The following CDKL5 variants were observed in gnomAD, a reference collection of about 807,000 sequenced individuals.
The protein encoded by CDKL5 is cyclin-dependent kinase-like 5.
CDKL5 carries 8 observed loss-of-function variants against 61.7 expected under a neutral mutation model. That is an observed-to-expected ratio of 0.13 (90% CI 0.08 to 0.23). CDKL5 has a LOEUF of 0.23. CDKL5 is among the 10% of genes least tolerant of loss of function. CDKL5 has a pLI of 1.00. For missense variants in CDKL5, 440 were observed against 734.5 expected, an observed-to-expected ratio of 0.60 and a Z score of 4.63; for synonymous variants, 275 against 272.3, an observed-to-expected ratio of 1.01 and a Z score of -0.10.
chrX:18,630,342 C>T lies in CDKL5; in HGVS notation c.*1585C>T. 1.3e-6 allele frequency: 1 copy of T among 753,563 alleles called. No individual in the cohort carries two copies. Among genetic ancestry groups the T allele is most frequent in the Non-Finnish European group, 1.6e-6 (1 of 639,060 alleles). 62.1% of individuals were successfully genotyped at this position (753,563 alleles called of 1,213,427 possible). The stretch of plus-strand genomic sequence containing the variant: ...TCCTTGAGGGAAGTCACCTCAGCAC[C>T]ATCATCTATCAGTAGTAGTAGATTT... On this transcript the variant is annotated 3_prime_UTR_variant, in exon 18 of 18. Coordinates refer to ENST00000623535, the MANE Select transcript of CDKL5 (RefSeq NM_001323289.2).
chrX:18,587,495 A>G (rs972877461), intron 8 of CDKL5, among the ~76,000 whole-genome samples: 2 of 112,130 alleles, frequency 1.8e-5, no homozygotes, highest in African/African-American at 3.2e-5. Flanking sequence ...TGTTAAGGAA[A>G]CACATAAATC....
chrX:18,520,286 G>A (rs747285774), intron 3 of CDKL5, among the ~76,000 whole-genome samples: 41 of 112,001 alleles, frequency 3.7e-4, no homozygotes, highest in African/African-American at 1.3e-3. Context: ...TCTGCTTTCT[G>A]TATTTACCTA....
At chrX:18,432,129 C>T (rs1204742693) in intron 1 of CDKL5, among the ~76,000 whole-genome samples, 9 of 100,133 alleles carry the variant, frequency 9.0e-5, no homozygotes, top group Non-Finnish European at 1.4e-4. Context: ...GATGGAGGCT[C>T]GCTCTGTCAC....
chrX:18,434,709 C>T (rs942370366), intron 1 of CDKL5, among the ~76,000 whole-genome samples: 3 of 111,639 alleles, frequency 2.7e-5, no homozygotes, highest in African/African-American at 6.5e-5. Context: ...GGGCGGATCC[C>T]TTGAGGTCAG....
rs1239354037 is a variant in CDKL5, at chrX:18,628,636, C to T, written c.2762C>T (p.Thr921Ile). Reference protein sequence around the residue: ...WHVSSVTRSATEGPSYSEQLG... With the variant: ...WHVSSVTRSAIEGPSYSEQLG... Reference sequence around the variant, plus strand: ...GTGTCCTCTGTGACCAGGAGTGCCACAGAGGGCCCTTCCTACTCTGAACAG... The same window carrying T: ...GTGTCCTCTGTGACCAGGAGTGCCATAGAGGGCCCTTCCTACTCTGAACAG... The change falls in exon 18 of 18, where the codon ACA (threonine) becomes ATA (isoleucine). Residue 921 changes from threonine (T) to isoleucine (I), a missense_variant. Transcript: ENST00000623535. The T allele has an allele frequency of 2.5e-6, 3 of 1,210,835 alleles. No homozygotes were observed. Among genetic ancestry groups the T allele is most frequent in the Non-Finnish European group, 3.4e-6 (3 of 894,820 alleles).
chrX:18,637,669 A>C lies in CDKL5; in HGVS notation c.*8912A>C, dbSNP rs1030743004. 9.0e-6 allele frequency: 1 copy of C among 111,644 alleles called. No homozygotes were observed. The highest frequency in any genetic ancestry group is 9.6e-5 in the Admixed American group (1 of 10,421). 9.2% of individuals were successfully genotyped at this position (111,644 alleles called of 1,213,427 possible). A position where few individuals can be genotyped will look rare whatever the true frequency, so the allele number is the denominator to read the frequency against. On this transcript the variant is annotated 3_prime_UTR_variant, in exon 18 of 18. Transcript: ENST00000623535. ...GTGACTTGAAGCAAGGCACTTCACT[A>C]TGCCTCAGTTTCCTTATCTTTAAAT...
chrX:18,582,087 TG>T (rs1240234077), intron 7 of CDKL5, 137 bp downstream of exon 7: 5 of 512,613 alleles, frequency 9.8e-6, no homozygotes, highest in South Asian at 3.0e-5. Context: ...TTGAGTCACA[TG>T]TTGAAAAATT....
chrX:18,560,579 G>C (rs1284523243), intron 3 of CDKL5, among the ~76,000 whole-genome samples: 2 of 111,939 alleles, frequency 1.8e-5, no homozygotes, highest in African/African-American at 3.2e-5. Context: ...TCTAGGTGCT[G>C]ATGATGCAAT....
At chrX:18,524,386 G>C in intron 3 of CDKL5, among the ~76,000 whole-genome samples, 1 of 112,063 alleles carries the variant, frequency 8.9e-6, no homozygotes, top group Non-Finnish European at 1.9e-5. Flanking sequence ...GTAGTTGTGA[G>C]TTTTTGAATA....
chrX:18,640,906 C>T (rs1376341027), downstream of CDKL5: 1 of 112,911 alleles, frequency 8.9e-6, no homozygotes, highest in East Asian at 2.8e-4. Context: ...TCTAAGGCGC[C>T]GCCTCCAGGA....
chrX:18,590,728 T>C (rs1925800174), intron 9 of CDKL5, among the ~76,000 whole-genome samples: 1 of 112,147 alleles, frequency 8.9e-6, no homozygotes, highest in African/African-American at 3.2e-5. Flanking sequence ...TTCAGCAGGT[T>C]AGCTCAACAT....
chrX:18,651,599 C>T (rs889630227), intron 21 of CDKL5, among the ~76,000 whole-genome samples: 6 of 111,058 alleles, frequency 5.4e-5, no homozygotes, highest in Non-Finnish European at 1.1e-4. Context: ...ACCCATGAGA[C>T]GTCTGCCTTC....
At chrX:18,585,352 A>G (rs949100751) in intron 8 of CDKL5, among the ~76,000 whole-genome samples, 4 of 111,191 alleles carry the variant, frequency 3.6e-5, no homozygotes, top group African/African-American at 9.8e-5. Context: ...CTGATATCCC[A>G]CCACTGCACT....
At chrX:18,507,552 T>TTTCA (rs201508159) in intron 2 of CDKL5, among the ~76,000 whole-genome samples, 5,284 of 102,662 alleles carry the variant, frequency 0.051, 181 homozygotes, top group African/African-American at 0.11. Context: ...ATAACTTAAA[T>TTTCA]TTCATTCATT....
intron 11 of CDKL5, 126 bp from the exon 12 acceptor site, chrX:18,603,776 A>G: frequency 1.2e-6 from 1 of 828,996 alleles, no homozygotes; most frequent in Non-Finnish European, 1.8e-6. Flanking sequence ...TCGAAGGCAC[A>G]TGCTTGAGAG....
intron 1 of CDKL5, among the ~76,000 whole-genome samples, chrX:18,440,119 T>C (rs1275514323): frequency 9.0e-6 from 1 of 111,259 alleles, no homozygotes; most frequent in Non-Finnish European, 1.9e-5. Context: ...GCCATATCTG[T>C]TGACTGTTCC....
intron 1 of CDKL5, among the ~76,000 whole-genome samples, chrX:18,427,631 G>A (rs1931396001): frequency 9.0e-6 from 1 of 111,433 alleles, no homozygotes; most frequent in African/African-American, 3.3e-5. Flanking sequence ...TTTGCTAGAT[G>A]TATATATATC....
At chrX:18,458,885 A>G (rs1932211632) in intron 1 of CDKL5, among the ~76,000 whole-genome samples, 1 of 112,078 alleles carries the variant, frequency 8.9e-6, no homozygotes. Flanking sequence ...CTGGTCTAGA[A>G]TGTGGTTCCA....
intron 3 of CDKL5, among the ~76,000 whole-genome samples, chrX:18,542,012 A>G (rs887959841): frequency 9.0e-6 from 1 of 111,464 alleles, no homozygotes; most frequent in Non-Finnish European, 1.9e-5. Flanking sequence ...AGATTTCCCT[A>G]CTTTTTAGTA....
Sources: gnomAD v4.1 joint callset for allele counts (sites outside exome capture counted in the v4.1 genomes callset) on GRCh38, gnomAD v4.1.1 for gene constraint, MANE v1.5 for transcripts, NCBI Gene and HGNC (gene_info 2026-07-23, HGNC 2026-07-21) for gene names.